The following NSG2 variants were observed in gnomAD, a reference collection of about 807,000 sequenced individuals.
NSG2 encodes the protein neuronal vesicle trafficking associated 2, also known as neuronal vesicle trafficking-associated protein 2.
Under a neutral mutation model 16.9 loss-of-function variants are expected in NSG2, and 4 were observed. The observed-to-expected ratio is 0.24, with a 90% CI of 0.12 to 0.54. The LOEUF (loss-of-function observed/expected upper bound fraction) is 0.54. NSG2 is among the 20% of genes least tolerant of loss of function. NSG2 has a pLI of 0.95. For synonymous variants in NSG2, 98 were observed against 88.7 expected, an observed-to-expected ratio of 1.11 and a Z score of -0.59; for missense variants, 179 against 221.1, an observed-to-expected ratio of 0.81 and a Z score of 1.21.
chr5:174,092,387 C>T (rs1760733819), intron 3 of NSG2, among the ~76,000 whole-genome samples: 1 of 152,224 alleles, frequency 6.6e-6, no homozygotes, highest in Admixed American at 6.5e-5. Context: ...TTTTCTGCCC[C>T]ATTAATATGA....
intron 2 of NSG2, among the ~76,000 whole-genome samples, chr5:174,053,062 C>T (rs1759917361): frequency 6.6e-6 from 1 of 152,122 alleles, no homozygotes; most frequent in Non-Finnish European, 1.5e-5. Flanking sequence ...CACAGTAGGC[C>T]ACATGCACTT....
chr5:174,090,131 C>G (rs180829322), intron 3 of NSG2, among the ~76,000 whole-genome samples: 2 of 152,320 alleles, frequency 1.3e-5, no homozygotes, highest in Admixed American at 1.3e-4. Context: ...AGACCATCCC[C>G]AGGTTCAATA....
intron 2 of NSG2, among the ~76,000 whole-genome samples, chr5:174,063,260 T>C (rs1760080916): frequency 6.6e-6 from 1 of 152,234 alleles, no homozygotes; most frequent in African/African-American, 2.4e-5. Context: ...CACTTGGCAA[T>C]AGTTATTGAT....
chr5:174,048,939 G>A (rs559840921), intron 2 of NSG2, among the ~76,000 whole-genome samples: 1 of 152,310 alleles, frequency 6.6e-6, no homozygotes, highest in South Asian at 2.1e-4. Flanking sequence ...TCTTTCACCA[G>A]GGTGGCCTCA....
chr5:174,098,019 C>G (rs1172019186), intron 3 of NSG2, among the ~76,000 whole-genome samples: 1 of 152,004 alleles, frequency 6.6e-6, no homozygotes, highest in Non-Finnish European at 1.5e-5. Context: ...CAGAAGGTGG[C>G]TGGTAGGCGA....
chr5:174,077,235 C>T (rs1165242995), intron 3 of NSG2, among the ~76,000 whole-genome samples: 1 of 152,098 alleles, frequency 6.6e-6, no homozygotes, highest in Admixed American at 6.5e-5. Context: ...AAAAATAAAT[C>T]TTGCAGATAT....
At chr5:174,106,652 T>C (rs1373971066) in intron 4 of NSG2, among the ~76,000 whole-genome samples, 3 of 136,222 alleles carry the variant, frequency 2.2e-5, no homozygotes, top group Non-Finnish European at 4.6e-5. Context: ...TGGAGTGCAG[T>C]GGTGCCATCT....
At chr5:174,106,568 T>C (rs1181266018) in intron 4 of NSG2, among the ~76,000 whole-genome samples, 1 of 151,068 alleles carries the variant, frequency 6.6e-6, no homozygotes, top group African/African-American at 2.4e-5. Context: ...ACATGAATGT[T>C]GTTAGGAATG....
At chr5:174,088,133 A>G (rs1330021523) in intron 3 of NSG2, among the ~76,000 whole-genome samples, 1 of 152,170 alleles carries the variant, frequency 6.6e-6, no homozygotes, top group East Asian at 1.9e-4. Context: ...CTGAACACAT[A>G]CTGTTTCAGA....
intron 3 of NSG2, among the ~76,000 whole-genome samples, chr5:174,077,325 AC>A (rs1366633024): frequency 6.6e-6 from 1 of 152,124 alleles, no homozygotes; most frequent in Non-Finnish European, 1.5e-5. Flanking sequence ...CTCTTCTGAA[AC>A]TCACAGGCAA....
At chr5:174,068,778 G>A (rs549728752) in intron 3 of NSG2, among the ~76,000 whole-genome samples, 2 of 92,556 alleles carry the variant, frequency 2.2e-5, no homozygotes, top group East Asian at 7.4e-4. Context: ...GGTGTCATGG[G>A]AATCCTGGTG....
intron 3 of NSG2, among the ~76,000 whole-genome samples, chr5:174,080,524 T>TC (rs1491180191): frequency 2.6e-4 from 26 of 101,378 alleles, no homozygotes; most frequent in East Asian, 1.2e-3. Context: ...TCTTTCTTTC[T>TC]TTCTCTCTCT....
intron 2 of NSG2, among the ~76,000 whole-genome samples, chr5:174,050,511 A>G (rs573590961): frequency 7.9e-5 from 12 of 152,270 alleles, no homozygotes; most frequent in African/African-American, 2.4e-4. Flanking sequence ...GCTCAGGACA[A>G]TATAGTGGCC....
At chr5:174,075,892 G>A (rs1242341640) in intron 3 of NSG2, among the ~76,000 whole-genome samples, 2 of 152,146 alleles carry the variant, frequency 1.3e-5, no homozygotes, top group Non-Finnish European at 2.9e-5. Context: ...TGTAGGCCTC[G>A]CTTCCTCCTG....
chr5:174,076,899 G>A (rs1760353417), intron 3 of NSG2, among the ~76,000 whole-genome samples: 1 of 152,138 alleles, frequency 6.6e-6, no homozygotes, highest in African/African-American at 2.4e-5. Context: ...CTTGCTCTAG[G>A]ATTTACCAGC....
chr5:174,064,699 G>C lies in NSG2; in HGVS notation c.213+384G>C, dbSNP rs142474580. Reference sequence around the variant, plus strand: ...CAACAAATATGAGAAAAACAAAGGTGGGGGGAAGAAAAGCTGGCTTCTTGG... The same window carrying C: ...CAACAAATATGAGAAAAACAAAGGTCGGGGGAAGAAAAGCTGGCTTCTTGG... On this transcript the variant is annotated intron_variant, in intron 3 of 4. Transcript: ENST00000303177. Among the ~76,000 whole-genome samples the C allele has an allele frequency of 1.7e-3, 264 of 152,144 alleles. 1 individual carries two copies. The highest frequency in any genetic ancestry group is 6.0e-3 in the African/African-American group (249 of 41,522).
intron 3 of NSG2, among the ~76,000 whole-genome samples, chr5:174,080,511 CCCTCTTTCTT>C (rs1760432771): frequency 7.5e-6 from 1 of 133,954 alleles, no homozygotes; most frequent in Non-Finnish European, 1.7e-5. Context: ...TTCTTTCTTT[CCCTCTTTCTT>C]TCTTTCTCTC....
Position 174,107,881 on chromosome 5 carries a change from G to A in NSG2, c.*376G>A, listed in dbSNP as rs1476243194. 4.3e-5 allele frequency: 17 copies of A among 395,168 alleles called. No homozygotes were observed. The highest frequency in any genetic ancestry group is 9.1e-5 in the Admixed American group (3 of 32,800). 24.5% of individuals were successfully genotyped at this position (395,168 alleles called of 1,614,324 possible). A position where few individuals can be genotyped will look rare whatever the true frequency, so the allele number is the denominator to read the frequency against. On this transcript the variant is annotated 3_prime_UTR_variant, in exon 5 of 5. Transcript: ENST00000303177. This position sits in a 1 kb window ranked among gnomAD's most constrained non-coding sequence, Gnocchi z 4.5. ...CATTAAACTGGCTCCATCAGAAGAC[G>A]TTGAAGGGCAGTGAAGAGCACAGAC...
chr5:174,092,187 G>T (rs1760731276), intron 3 of NSG2, among the ~76,000 whole-genome samples: 1 of 152,234 alleles, frequency 6.6e-6, no homozygotes, highest in African/African-American at 2.4e-5. Context: ...TCTTTAGATG[G>T]TTCTGATGCT....
Sources: gnomAD v4.1 joint callset for allele counts (sites outside exome capture counted in the v4.1 genomes callset) on GRCh38, gnomAD v4.1.1 for gene constraint, Gnocchi (gnomAD v3.1) non-coding constraint, MANE v1.5 for transcripts, NCBI Gene and HGNC (gene_info 2026-07-23, HGNC 2026-07-21) for gene names.